ADGRB3: variants seen among roughly 807,000 people sequenced by gnomAD.
ADGRB3 encodes the protein brain-specific angiogenesis inhibitor 3.
Under a neutral mutation model 193.4 loss-of-function variants are expected in ADGRB3, and 37 were observed. The ratio of observed to expected loss-of-function variants is 0.19; its 90% CI spans 0.15 to 0.25. The LOEUF is 0.25. Among genes scored for constraint, ADGRB3 ranks in the 10% least tolerant of loss-of-function variants. ADGRB3 has a pLI of 1.00. For missense variants in ADGRB3, 1,637 were observed against 1,852.9 expected (o/e 0.88, Z 2.14); for synonymous variants, 690 against 644.2 (o/e 1.07, Z -1.08).
chr6:68,845,876 A>G (rs2127388992), intron 3 of ADGRB3, among the ~76,000 whole-genome samples: 1 of 152,310 alleles, frequency 6.6e-6, no homozygotes, highest in South Asian at 2.1e-4. Context: ...AAAATGTGGA[A>G]CTGACTTTGG....
chr6:68,911,041 T>C (rs1053890482), intron 3 of ADGRB3, among the ~76,000 whole-genome samples: 1 of 151,970 alleles, frequency 6.6e-6, no homozygotes, highest in African/African-American at 2.4e-5. Flanking sequence ...CCCATGAGCA[T>C]GGAATGTTCT....
intron 29 of ADGRB3, among the ~76,000 whole-genome samples, chr6:69,369,967 T>A (rs1312706866): frequency 6.6e-6 from 1 of 152,152 alleles, no homozygotes; most frequent in African/African-American, 2.4e-5. Flanking sequence ...CATCTATTGT[T>A]ATTTTTGCTG....
At chr6:69,280,853 AT>A (rs1352640407) in intron 20 of ADGRB3, among the ~76,000 whole-genome samples, 56 of 151,022 alleles carry the variant, frequency 3.7e-4, no homozygotes, top group African/African-American at 1.2e-3. Context: ...CTACAAAAAA[AT>A]ATATATATAT....
chr6:68,819,014 A>G (rs1767691014), intron 3 of ADGRB3, among the ~76,000 whole-genome samples: 1 of 152,146 alleles, frequency 6.6e-6, no homozygotes, highest in African/African-American at 2.4e-5. Context: ...TACAGCTGTC[A>G]TCTGTTGCAG....
chr6:68,801,343 G>T lies in ADGRB3; in HGVS notation c.758-129216G>T, dbSNP rs1352182825. On this transcript the variant is annotated intron_variant, in intron 3 of 31. Transcript: ENST00000370598. ...CAACAGACTTGAAACCCAGAAAAAA[G>T]AGAGTCTCTATCCTGTCCTTTCCAT... Among the ~76,000 whole-genome samples, 3 of 152,122 alleles carry T rather than the reference G, an allele frequency of 2.0e-5. 1 individual carries two copies. Among genetic ancestry groups the T allele is most frequent in the Admixed American group, 2.0e-4 (3 of 15,266 alleles).
At chr6:69,321,076 A>T (rs1278889236) in intron 20 of ADGRB3, among the ~76,000 whole-genome samples, 1 of 151,634 alleles carries the variant, frequency 6.6e-6, no homozygotes, top group African/African-American at 2.4e-5. Flanking sequence ...GCTATGGTAC[A>T]TATTGTCAAT....
intron 3 of ADGRB3, among the ~76,000 whole-genome samples, chr6:68,892,692 C>A (rs1257481299): frequency 6.6e-6 from 1 of 151,922 alleles, no homozygotes; most frequent in South Asian, 2.1e-4. Flanking sequence ...AATACCAATA[C>A]GAATATGTAA....
intron 17 of ADGRB3, among the ~76,000 whole-genome samples, chr6:69,134,684 T>TAG (rs1463802579): frequency 6.6e-6 from 1 of 151,892 alleles, no homozygotes; most frequent in Non-Finnish European, 1.5e-5. Context: ...GAAACATATA[T>TAG]ATATATATGA....
At chr6:68,999,285 G>A (rs1286976068) in intron 11 of ADGRB3, among the ~76,000 whole-genome samples, 1 of 131,262 alleles carries the variant, frequency 7.6e-6, no homozygotes, top group African/African-American at 2.9e-5. Flanking sequence ...TTTTTTTTGA[G>A]ATGGAGTCTC....
rs74661442 is a variant in ADGRB3 at position 69,019,461 on chromosome 6, C to T, written c.2107+962C>T. 8.5e-3 allele frequency among the ~76,000 whole-genome samples: 1,291 copies of T among 151,954 alleles called. 9 individuals carry two copies. The highest frequency in any genetic ancestry group is 0.014 in the Non-Finnish European group (943 of 67,874). ...ACATAATTTTTTTTTATGATTAAGGCTGTTGGTGGTTCATTTTATACTTAA... is the reference window on the plus strand; with the variant it reads ...ACATAATTTTTTTTTATGATTAAGGTTGTTGGTGGTTCATTTTATACTTAA... On this transcript the variant is annotated intron_variant, in intron 13 of 31. Transcript: ENST00000370598.
At chr6:69,037,649 C>T (rs568140457) in intron 13 of ADGRB3, among the ~76,000 whole-genome samples, 1 of 151,150 alleles carries the variant, frequency 6.6e-6, no homozygotes, top group Non-Finnish European at 1.5e-5. Context: ...TTGTTGTTCT[C>T]TCTCTCTCTC....
intron 16 of ADGRB3, among the ~76,000 whole-genome samples, chr6:69,068,425 T>C (rs1771973669): frequency 6.6e-6 from 1 of 152,204 alleles, no homozygotes; most frequent in South Asian, 2.1e-4. Context: ...ATTTGCTACT[T>C]TAATTAATAT....
At chr6:69,142,241 T>C (rs1030646980) in intron 17 of ADGRB3, among the ~76,000 whole-genome samples, 5 of 152,194 alleles carry the variant, frequency 3.3e-5, no homozygotes, top group African/African-American at 1.2e-4. Flanking sequence ...CAGGAAGATT[T>C]CAAGTGGTTA....
intron 8 of ADGRB3, among the ~76,000 whole-genome samples, chr6:68,969,124 A>G (rs1038701525): frequency 2.0e-5 from 3 of 152,032 alleles, no homozygotes; most frequent in Non-Finnish European, 2.9e-5. Flanking sequence ...AAAAAGATAA[A>G]GTAAAACCTG....
chr6:69,031,786 C>T (rs1407079074), intron 13 of ADGRB3, among the ~76,000 whole-genome samples: 1 of 151,656 alleles, frequency 6.6e-6, no homozygotes, highest in Non-Finnish European at 1.5e-5. Flanking sequence ...AGTCATGCGC[C>T]ACCACGCCAG....
intron 17 of ADGRB3, among the ~76,000 whole-genome samples, chr6:69,122,263 A>G (rs1013396081): frequency 1.3e-5 from 2 of 151,692 alleles, no homozygotes; most frequent in African/African-American, 4.8e-5. Flanking sequence ...AGCCTGGTCA[A>G]CAGGGCGAAA....
At chr6:68,915,469 A>G (rs1038352448) in intron 3 of ADGRB3, among the ~76,000 whole-genome samples, 49 of 152,246 alleles carry the variant, frequency 3.2e-4, no homozygotes, top group African/African-American at 9.6e-4. Context: ...ATAGGTGTTC[A>G]TAAAATACAA....
rs9446080 is a variant in ADGRB3, at chr6:68,974,721, T to A, written c.1526-42T>A. 38 of 1,569,836 alleles carry A rather than the reference T, an allele frequency of 2.4e-5. No individual in the cohort carries two copies. In the African/African-American group the frequency reaches 2.9e-4, roughly 12 times the overall value. ...ACAATTGTTTATTGCCAAAATTTTTTAAACACTACTGACATTCAAGTCCCT... is the reference window on the plus strand; with the variant it reads ...ACAATTGTTTATTGCCAAAATTTTTAAAACACTACTGACATTCAAGTCCCT... On this transcript the variant is annotated intron_variant, in intron 8 of 31. Transcript: ENST00000370598.
At chr6:68,636,789 C>A (rs1054241806) in intron 1 of ADGRB3, among the ~76,000 whole-genome samples, 1 of 152,092 alleles carries the variant, frequency 6.6e-6, no homozygotes, top group Non-Finnish European at 1.5e-5. Context: ...GTACCAATTT[C>A]ATTAGGAAAA....
Sources: gnomAD v4.1 joint callset for allele counts (sites outside exome capture counted in the v4.1 genomes callset) on GRCh38, gnomAD v4.1.1 for gene constraint, MANE v1.5 for transcripts, NCBI Gene and HGNC (gene_info 2026-07-23, HGNC 2026-07-21) for gene names.